SRGAP1: variants seen among roughly 807,000 people sequenced by gnomAD.
The protein encoded by SRGAP1 is SLIT-ROBO Rho GTPase-activating protein 1.
A neutral mutation model predicts 121.9 loss-of-function variants in SRGAP1; 43 were observed. The ratio of observed to expected loss-of-function variants is 0.35; its 90% CI spans 0.28 to 0.46. The LOEUF (loss-of-function observed/expected upper bound fraction) is 0.46. Among genes scored for constraint, SRGAP1 ranks in the 20% least tolerant of loss-of-function variants. The probability of loss-of-function intolerance (pLI) is 1.00; values close to 1 mark genes in which losing one functional copy is unlikely to be tolerated. For synonymous variants in SRGAP1, 447 were observed against 485.4 expected (o/e 0.92, Z 1.04); for missense variants, 1,102 against 1,350.9 (o/e 0.82, Z 2.89).
intron 1 of SRGAP1, among the ~76,000 whole-genome samples, chr12:63,954,030 C>T (rs1352057135): frequency 2.0e-5 from 3 of 152,178 alleles, no homozygotes; most frequent in Non-Finnish European, 4.4e-5. Flanking sequence ...CTACAGACAT[C>T]GTCTTGGTAG....
At position 64,111,993 on chromosome 12, in the gene SRGAP1, C is replaced by T. The variant is rs765746086; in HGVS notation, c.2144+7C>T. Reference sequence around the variant, plus strand: ...TGGCTGGAGATGACTATTGGTAAGTCTAAGAATTTTAGTCCTCCTCTCCCA... The same window carrying T: ...TGGCTGGAGATGACTATTGGTAAGTTTAAGAATTTTAGTCCTCCTCTCCCA... On this transcript the variant is annotated splice_region_variant and intron_variant, in intron 17 of 21. Coordinates refer to ENST00000355086, the MANE Select transcript of SRGAP1 (RefSeq NM_020762.4). 1 of 1,607,292 alleles carries T rather than the reference C, an allele frequency of 6.2e-7. No homozygotes were observed. The highest frequency in any genetic ancestry group is 1.1e-5 in the South Asian group (1 of 90,498).
In SRGAP1 at chr12:64,003,377, A is replaced by G. The variant is rs113736328; in HGVS notation, c.426+13305A>G. On this transcript the variant is annotated intron_variant, in intron 3 of 21. Transcript: ENST00000355086. ...GCTGGGATTACAGGCTTGAGCCATC[A>G]TGTCTGACCACAAAGACTTTTAATA... Among the ~76,000 whole-genome samples the G allele has an allele frequency of 9.7e-3, 1,465 of 151,434 alleles. 20 individuals are homozygous for G. Among genetic ancestry groups the G allele is most frequent in the African/African-American group, 0.034 (1,394 of 41,322 alleles).
At chr12:63,979,038 C>CTTTTTTTT (rs34235730) in intron 1 of SRGAP1, among the ~76,000 whole-genome samples, 30 of 82,148 alleles carry the variant, frequency 3.7e-4, no homozygotes, top group East Asian at 8.6e-4. Context: ...ACCCTTTGAC[C>CTTTTTTTT]TTTTTTTTTT....
At chr12:64,083,388 CAT>C (rs1270103198) in intron 10 of SRGAP1, among the ~76,000 whole-genome samples, 4 of 152,182 alleles carry the variant, frequency 2.6e-5, no homozygotes, top group African/African-American at 4.8e-5. Flanking sequence ...TAACTACAGA[CAT>C]GTGTTTGGCC....
rs573942793 is a variant in SRGAP1, at chr12:63,927,454, C to T, written c.68-56493C>T. Among the ~76,000 whole-genome samples the T allele has an allele frequency of 1.3e-3, 204 of 152,302 alleles. 1 individual carries two copies. Among genetic ancestry groups the T allele is most frequent in the Middle Eastern group, 6.8e-3 (2 of 294 alleles). Reference sequence around the variant, plus strand: ...CCAGTCAGCAGATGGAGGTGGCATCCTCATGTTTACACAGAAGCTGCATAT... The same window carrying T: ...CCAGTCAGCAGATGGAGGTGGCATCTTCATGTTTACACAGAAGCTGCATAT... On this transcript the variant is annotated intron_variant, in intron 1 of 21. Coordinates refer to ENST00000355086, the MANE Select transcript of SRGAP1 (RefSeq NM_020762.4).
At chr12:63,974,715 A>G (rs2033047835) in intron 1 of SRGAP1, among the ~76,000 whole-genome samples, 1 of 152,194 alleles carries the variant, frequency 6.6e-6, no homozygotes, top group Non-Finnish European at 1.5e-5. Context: ...ATTGCTGGTG[A>G]TACCATAATT....
At chr12:64,103,616 A>T (rs1042050265) in intron 15 of SRGAP1, among the ~76,000 whole-genome samples, 4 of 152,180 alleles carry the variant, frequency 2.6e-5, no homozygotes, top group African/African-American at 9.7e-5. Context: ...TTTCTCTCTG[A>T]ATTCTAAATT....
At chr12:64,044,699 T>TTTTTTTA (rs1463008430) in intron 6 of SRGAP1, among the ~76,000 whole-genome samples, 41 of 138,636 alleles carry the variant, frequency 3.0e-4, no homozygotes, top group African/African-American at 1.9e-4. Flanking sequence ...TTTTTTTTTT[T>TTTTTTTA]AAGACAGAGT....
chr12:64,089,608 C>G (rs939360610), intron 11 of SRGAP1, among the ~76,000 whole-genome samples: 1 of 152,158 alleles, frequency 6.6e-6, no homozygotes, highest in Non-Finnish European at 1.5e-5. Context: ...CTTTTTACTC[C>G]TATCAGATTA....
chr12:63,899,289 G>A (rs1900853019), intron 1 of SRGAP1, among the ~76,000 whole-genome samples: 1 of 151,964 alleles, frequency 6.6e-6, no homozygotes, highest in Non-Finnish European at 1.5e-5. Context: ...GGCAGAGGTA[G>A]GAGTGCCATT....
chr12:64,086,620 A>C (rs1428019532), intron 10 of SRGAP1, among the ~76,000 whole-genome samples: 1 of 152,112 alleles, frequency 6.6e-6, no homozygotes, highest in Non-Finnish European at 1.5e-5. Context: ...GTGTCAGTCA[A>C]AACAGAGAGA....
At chr12:63,923,467 A>G (rs2031144104) in intron 1 of SRGAP1, among the ~76,000 whole-genome samples, 1 of 152,216 alleles carries the variant, frequency 6.6e-6, no homozygotes, top group African/African-American at 2.4e-5. Context: ...TTTTTTAACC[A>G]GTGGTATCAA....
At chr12:63,942,863 C>A (rs531479810) in intron 1 of SRGAP1, among the ~76,000 whole-genome samples, 1 of 152,264 alleles carries the variant, frequency 6.6e-6, no homozygotes, top group South Asian at 2.1e-4. Context: ...TAAAAGTGCT[C>A]ACTAAATATA....
At chr12:64,086,925 G>T in intron 10 of SRGAP1, 74 bp from the exon 11 acceptor site, 1 of 1,076,414 alleles carries the variant, frequency 9.3e-7, no homozygotes, top group Non-Finnish European at 1.4e-6. Flanking sequence ...ATACCGGATA[G>T]GAGATACAAA....
intron 18 of SRGAP1, among the ~76,000 whole-genome samples, chr12:64,124,962 T>G (rs531775168): frequency 3.3e-5 from 5 of 152,310 alleles, no homozygotes; most frequent in African/African-American, 9.6e-5. Flanking sequence ...TTCAGCAGCC[T>G]TACATGCACT....
intron 21 of SRGAP1, among the ~76,000 whole-genome samples, chr12:64,137,983 A>ATATATAT (rs1565697592): frequency 3.5e-4 from 42 of 120,666 alleles, no homozygotes; most frequent in Middle Eastern, 4.4e-3. Context: ...TATATATATA[A>ATATATAT]AAAATAATAA....
At chr12:63,898,575 T>C (rs945138552) in intron 1 of SRGAP1, among the ~76,000 whole-genome samples, 1 of 152,180 alleles carries the variant, frequency 6.6e-6, no homozygotes, top group Non-Finnish European at 1.5e-5. Context: ...TGCAGAGACT[T>C]TTAGGAGATT....
intron 1 of SRGAP1, among the ~76,000 whole-genome samples, chr12:63,845,284 T>A (rs1335513887): frequency 6.6e-6 from 1 of 152,214 alleles, no homozygotes. Context: ...ACGGAATGAT[T>A]TTTGTAAAGT....
chr12:64,112,008 C>T (rs2036437579), intron 17 of SRGAP1, 22 bp downstream of exon 17: 1 of 1,578,708 alleles, frequency 6.3e-7, no homozygotes, highest in Non-Finnish European at 8.7e-7. Context: ...AATTTTAGTC[C>T]TCCTCTCCCA....
Sources: gnomAD v4.1 joint callset for allele counts (sites outside exome capture counted in the v4.1 genomes callset) on GRCh38, gnomAD v4.1.1 for gene constraint, MANE v1.5 for transcripts, NCBI Gene and HGNC (gene_info 2026-07-23, HGNC 2026-07-21) for gene names.